The following ATP10A variants were observed in gnomAD, a reference collection of about 807,000 sequenced individuals.
ATP10A encodes the protein ATPase phospholipid transporting 10A (putative), also known as phospholipid-transporting ATPase VA.
Under a neutral mutation model 147.8 loss-of-function variants are expected in ATP10A, and 111 were observed. The observed-to-expected ratio is 0.75, with a 90% CI of 0.64 to 0.88. ATP10A has a LOEUF of 0.88. Among genes scored for constraint, ATP10A ranks in the 40% least tolerant of loss-of-function variants. ATP10A has a pLI of 0.00. For synonymous variants in ATP10A, 875 were observed against 841.6 expected (o/e 1.04, Z -0.69); for missense variants, 1,927 against 1,959.0 (o/e 0.98, Z 0.31).
At chr15:25,832,219 GGCCCTGCCCACACGCTGGTCTCA>G (rs1193376050) in intron 1 of ATP10A, among the ~76,000 whole-genome samples, 2 of 152,208 alleles carry the variant, frequency 1.3e-5, no homozygotes, top group Admixed American at 6.5e-5. Flanking sequence ...ACAGGAGCAC[GGCCCTGCCCACACGCTGGTCTCA>G]GCCTTGAAGC....
In ATP10A at chr15:25,780,015, G is replaced by C. The variant is rs1240209177; in HGVS notation, c.654+1004C>G. ...GCAAGTGTGTCAGGCATCTCCCCCT[G>C]TGACGGTGACCGGGGGCATCTAGAG... On this transcript the variant is annotated intron_variant, in intron 2 of 20. Coordinates refer to ENST00000555815, the MANE Select transcript of ATP10A (RefSeq NM_024490.4). Among the ~76,000 whole-genome samples the C allele has an allele frequency of 5.9e-5, 9 of 152,212 alleles. No individual in the cohort carries two copies. The East Asian group carries it at 1.5e-3, about 26-fold the overall frequency.
At chr15:25,800,668 C>T (rs547546746) in intron 1 of ATP10A, among the ~76,000 whole-genome samples, 55 of 152,312 alleles carry the variant, frequency 3.6e-4, no homozygotes, top group African/African-American at 1.3e-3. Flanking sequence ...GGAGGAAACA[C>T]GAACACTTGA....
intron 1 of ATP10A, among the ~76,000 whole-genome samples, chr15:25,853,902 A>T (rs1264964141): frequency 6.6e-6 from 1 of 150,732 alleles, no homozygotes; most frequent in Admixed American, 6.6e-5. Context: ...TGATTGCACC[A>T]GTGCGCTCCG....
rs769334065 is a variant in ATP10A, at chr15:25,679,884, A to G, written c.3957T>C (p.Ser1319=). Residue 1319 remains serine (S), a synonymous_variant, in exon 21 of 21, where the codon AGT becomes AGC. Coordinates refer to ENST00000555815, the MANE Select transcript of ATP10A (RefSeq NM_024490.4). ...QLTRKSPRRC[S]APKETFAQGR... ...CCTGAGCAAAGGTCTCTTTGGGAGC[A>G]CTGCATCTCCTGGGGGACTTCCTGG... 1.9e-6 allele frequency: 3 copies of G among 1,610,502 alleles called. No individual in the cohort carries two copies. The highest frequency in any genetic ancestry group is 2.5e-6 in the Non-Finnish European group (3 of 1,179,842).
chr15:25,696,233 AC>A (rs1900331496), intron 13 of ATP10A, among the ~76,000 whole-genome samples: 1 of 152,218 alleles, frequency 6.6e-6, no homozygotes, highest in African/African-American at 2.4e-5. Context: ...ATGAAGCCAG[AC>A]TAGAGAAAAG....
At chr15:25,777,611 A>G (rs1484023374) in intron 2 of ATP10A, among the ~76,000 whole-genome samples, 2 of 151,784 alleles carry the variant, frequency 1.3e-5, no homozygotes, top group Middle Eastern at 3.2e-3. Context: ...CCATATATAT[A>G]TATTGGAGAC....
chr15:25,856,840 A>G (rs1389530174), intron 1 of ATP10A, among the ~76,000 whole-genome samples: 1 of 152,098 alleles, frequency 6.6e-6, no homozygotes, highest in Non-Finnish European at 1.5e-5. Context: ...CCTCCTACCA[A>G]TCCACAGGAA....
intron 2 of ATP10A, among the ~76,000 whole-genome samples, chr15:25,752,465 G>A (rs1320472906): frequency 6.6e-6 from 1 of 152,216 alleles, no homozygotes; most frequent in Admixed American, 6.5e-5. Context: ...GAAGCAGAGA[G>A]TGGAATTGTG....
intron 1 of ATP10A, among the ~76,000 whole-genome samples, chr15:25,859,032 C>T (rs1418102610): frequency 1.3e-5 from 2 of 152,114 alleles, no homozygotes; most frequent in Admixed American, 1.3e-4. Context: ...TTTAAGGTTT[C>T]CCCCCTCACC....
At chr15:25,801,636 G>A (rs1890945196) in intron 1 of ATP10A, among the ~76,000 whole-genome samples, 1 of 152,196 alleles carries the variant, frequency 6.6e-6, no homozygotes. Flanking sequence ...GTTTAATCCG[G>A]TGTGGGACAG....
intron 12 of ATP10A, among the ~76,000 whole-genome samples, chr15:25,704,320 G>A (rs992820405): frequency 2.6e-5 from 4 of 152,162 alleles, no homozygotes; most frequent in Admixed American, 1.3e-4. Flanking sequence ...CCAGGATAAC[G>A]CTTCCACTAC....
intron 10 of ATP10A, among the ~76,000 whole-genome samples, chr15:25,711,020 G>A (rs1371406628): frequency 1.1e-5 from 1 of 89,744 alleles, no homozygotes; most frequent in Non-Finnish European, 2.3e-5. Flanking sequence ...GGAAACTGAG[G>A]CACAGAGTGA....
chr15:25,852,503 GCCC>G (rs1893340651), intron 1 of ATP10A, among the ~76,000 whole-genome samples: 2 of 151,888 alleles, frequency 1.3e-5, no homozygotes, highest in Admixed American at 1.3e-4. Context: ...CTCTCTAACC[GCCC>G]CCCAACCTCA....
chr15:25,790,945 T>C (rs1890389721), intron 1 of ATP10A, among the ~76,000 whole-genome samples: 1 of 152,240 alleles, frequency 6.6e-6, no homozygotes, highest in Non-Finnish European at 1.5e-5. Flanking sequence ...TCCTTATTCC[T>C]ACGGAGAAGT....
Position 25,683,288 on chromosome 15 carries a change from C to A in ATP10A, c.3490G>T (p.Glu1164Ter). The change falls in exon 17 of 21, where the codon GAG becomes TAG. Residue 1164 changes from glutamate (E) to a stop codon, truncating the protein, a stop_gained and splice_region_variant. Coordinates refer to ENST00000555815, the MANE Select transcript of ATP10A (RefSeq NM_024490.4). LOFTEE classifies it high-confidence loss of function. ...GCGGAGACTCGGGGGAGCTTTACCT[C>A]CATGTTCTGGCCACTCTTGTAGAGC... ...PQLYKSGQNM[E>*]EYRPRTFWFN... is the part of the protein sequence containing the mutation. The A allele has an allele frequency of 6.2e-7, 1 of 1,613,538 alleles. No individual in the cohort carries two copies. The highest frequency in any genetic ancestry group is 8.5e-7 in the Non-Finnish European group (1 of 1,179,960).
At chr15:25,739,389 C>CA (rs1887461879) in intron 2 of ATP10A, among the ~76,000 whole-genome samples, 1 of 152,150 alleles carries the variant, frequency 6.6e-6, no homozygotes, top group Non-Finnish European at 1.5e-5. Flanking sequence ...CACTCAAAAA[C>CA]AGAGTAAAAA....
At chr15:25,836,755 T>C (rs1232812225) in intron 1 of ATP10A, among the ~76,000 whole-genome samples, 1 of 152,126 alleles carries the variant, frequency 6.6e-6, no homozygotes, top group Non-Finnish European at 1.5e-5. Flanking sequence ...ATAGCAACCC[T>C]AGGAAGTGGG....
chr15:25,699,168 AC>A (rs1215452941), intron 13 of ATP10A, among the ~76,000 whole-genome samples: 3 of 152,244 alleles, frequency 2.0e-5, no homozygotes, highest in African/African-American at 7.2e-5. Flanking sequence ...TGGAGGAATA[AC>A]ACTACCAATT....
chr15:25,728,746 C>T lies in ATP10A; in HGVS notation c.741-1480G>A, dbSNP rs563255047. Reference sequence around the variant, plus strand: ...CTACATTAAATGTTCTTCACTGTGACACTGACTTTTGAGCAACTACTGTGA... The same window carrying T: ...CTACATTAAATGTTCTTCACTGTGATACTGACTTTTGAGCAACTACTGTGA... On this transcript the variant is annotated intron_variant, in intron 3 of 20. Coordinates refer to ENST00000555815, the MANE Select transcript of ATP10A (RefSeq NM_024490.4). Among the ~76,000 whole-genome samples, 3 of 152,336 alleles carry T rather than the reference C, an allele frequency of 2.0e-5. No individual in the cohort carries two copies. The South Asian group carries it at 6.2e-4, about 32-fold the overall frequency.
Sources: allele counts gnomAD v4.1 joint callset (sites outside exome capture counted in the v4.1 genomes callset), GRCh38; gene constraint gnomAD v4.1.1; transcripts MANE v1.5; gene names NCBI Gene and HGNC (gene_info 2026-07-23, HGNC 2026-07-21).